Variants in ASPH observed in about 807,000 individuals in gnomAD.
ASPH encodes aspartate beta-hydroxylase.
A neutral mutation model predicts 118.4 loss-of-function variants in ASPH; 100 were observed. The observed-to-expected ratio is 0.84, with a 90% CI of 0.72 to 1.00. The LOEUF is 1.00. Among genes scored for constraint, ASPH ranks in the 50% least tolerant of loss-of-function variants. The probability of loss-of-function intolerance (pLI) is 0.00; values close to 1 mark genes in which losing one functional copy is unlikely to be tolerated. For missense variants in ASPH, 920 were observed against 919.5 expected (o/e 1.00, Z -0.01); for synonymous variants, 315 against 325.6 (o/e 0.97, Z 0.35).
Position 61,501,747 on chromosome 8 carries a change from A to G in ASPH, c.*1612T>C, listed in dbSNP as rs1468097632. 6.6e-6 allele frequency: 1 copy of G among 152,218 alleles called. No homozygotes were observed. The highest frequency in any genetic ancestry group is 1.5e-5 in the Non-Finnish European group (1 of 68,042). The allele number at this position is 152,218 out of a possible 1,614,324, so 9.4% of individuals were successfully genotyped here. A position where few individuals can be genotyped will look rare whatever the true frequency, so the allele number is the denominator to read the frequency against. On this transcript the variant is annotated 3_prime_UTR_variant, in exon 25 of 25. Transcript: ENST00000379454. ...GGATGTTTTCAATACCAGCAAAACA[A>G]AAGAACAGGAAAAGTATTTTGCAAA...
At chr8:61,600,634 C>CAA (rs200261023) in intron 14 of ASPH, among the ~76,000 whole-genome samples, 1 of 149,714 alleles carries the variant, frequency 6.7e-6, no homozygotes, top group African/African-American at 2.5e-5. Flanking sequence ...ATAATAGCTA[C>CAA]AAAAAAAACC....
chr8:61,665,196 G>C (rs994717821), intron 3 of ASPH: 69 of 1,519,766 alleles, frequency 4.5e-5, no homozygotes, highest in Non-Finnish European at 5.4e-5. Context: ...ATGCTTTTTT[G>C]TAACAAACTG....
At chr8:61,617,945 A>AG (rs1291925938) in intron 14 of ASPH, among the ~76,000 whole-genome samples, 2 of 151,362 alleles carry the variant, frequency 1.3e-5, no homozygotes, top group African/African-American at 4.9e-5. Flanking sequence ...AAAAAAAAAA[A>AG]AAAAAGAAAG....
intron 2 of ASPH, 50 bp downstream of exon 2, chr8:61,683,989 G>C: frequency 6.3e-7 from 1 of 1,586,198 alleles, no homozygotes; most frequent in Non-Finnish European, 8.6e-7. Flanking sequence ...ACTCCTAAGA[G>C]ATGTCACTTA....
At chr8:61,599,125 GAAAC>G (rs1240530603) in intron 14 of ASPH, among the ~76,000 whole-genome samples, 1 of 151,628 alleles carries the variant, frequency 6.6e-6, no homozygotes, top group Non-Finnish European at 1.5e-5. Flanking sequence ...CTAGTAGAAA[GAAAC>G]AAACAATAAA....
At chr8:61,579,303 C>A (rs1349559405) in intron 15 of ASPH, 1 of 1,614,010 alleles carries the variant, frequency 6.2e-7, no homozygotes, top group South Asian at 1.1e-5. Flanking sequence ...TGCCCTGCAG[C>A]GGGCCAAGCA....
intron 24 of ASPH, among the ~76,000 whole-genome samples, chr8:61,514,408 C>A (rs1385424037): frequency 2.0e-5 from 3 of 151,862 alleles, no homozygotes; most frequent in Admixed American, 1.3e-4. Flanking sequence ...AACTCCTGGG[C>A]AATTTTTTAA....
intron 3 of ASPH, among the ~76,000 whole-genome samples, chr8:61,672,973 G>T (rs941997100): frequency 1.3e-5 from 2 of 152,174 alleles, no homozygotes; most frequent in African/African-American, 4.8e-5. Context: ...ACTGTCAAGT[G>T]ACCAAATTAA....
At chr8:61,568,400 T>C (rs1416083073) in intron 16 of ASPH, among the ~76,000 whole-genome samples, 13 of 152,144 alleles carry the variant, frequency 8.5e-5, no homozygotes, top group Non-Finnish European at 1.0e-4. Flanking sequence ...AGAAAAACCA[T>C]GAATGAACAA....
At chr8:61,683,316 G>T (rs1311185739) in intron 2 of ASPH, among the ~76,000 whole-genome samples, 1 of 151,980 alleles carries the variant, frequency 6.6e-6, no homozygotes, top group Non-Finnish European at 1.5e-5. Flanking sequence ...ATATAATATT[G>T]AATTTTATTT....
At chr8:61,637,843 T>C in intron 12 of ASPH, 104 bp downstream of exon 12, 1 of 1,119,210 alleles carries the variant, frequency 8.9e-7, no homozygotes, top group South Asian at 1.4e-5. Context: ...TCCTAGCTCC[T>C]ATGCACTGTA....
chr8:61,570,662 T>C (rs1453674010), intron 16 of ASPH, among the ~76,000 whole-genome samples: 5 of 152,232 alleles, frequency 3.3e-5, no homozygotes, highest in African/African-American at 1.2e-4. Flanking sequence ...ATAAAACTGA[T>C]AGGCACTTGC....
chr8:61,702,472 G>C (rs1460455618), intron 1 of ASPH, among the ~76,000 whole-genome samples: 1 of 151,848 alleles, frequency 6.6e-6, no homozygotes, highest in Admixed American at 6.6e-5. Context: ...ATTTTTAGTA[G>C]AGACGGGGTT....
chr8:61,528,193 G>A (rs773714832), intron 21 of ASPH, among the ~76,000 whole-genome samples: 2 of 152,092 alleles, frequency 1.3e-5, no homozygotes, highest in Non-Finnish European at 2.9e-5. Flanking sequence ...TGAAGAACAG[G>A]GCAAAGATCG....
At chr8:61,513,783 C>G (rs1809785215) in intron 24 of ASPH, among the ~76,000 whole-genome samples, 1 of 152,190 alleles carries the variant, frequency 6.6e-6, no homozygotes. Flanking sequence ...CAAGACCCCC[C>G]TCTGAGTAGG....
At chr8:61,519,494 ATAGT>A (rs1812171395) in intron 22 of ASPH, among the ~76,000 whole-genome samples, 1 of 152,250 alleles carries the variant, frequency 6.6e-6, no homozygotes, top group Admixed American at 6.5e-5. Context: ...AGGAAAAATA[ATAGT>A]TAGCTCCCAA....
chr8:61,636,730 G>A (rs991588327), intron 12 of ASPH, among the ~76,000 whole-genome samples: 3 of 152,176 alleles, frequency 2.0e-5, no homozygotes, highest in Admixed American at 6.5e-5. Context: ...ACCGTATGTA[G>A]GGTAGGTTGG....
chr8:61,664,861 C>T (rs1481739408), intron 3 of ASPH: 2 of 992,976 alleles, frequency 2.0e-6, no homozygotes, highest in African/African-American at 3.5e-5. Context: ...AAATCCATCT[C>T]CCTGAGTATT....
At chr8:61,682,319 TA>T in intron 2 of ASPH, 1 of 1,020,744 alleles carries the variant, frequency 9.8e-7, no homozygotes, top group South Asian at 1.5e-5. Flanking sequence ...GACAAACCCA[TA>T]ATGGGAAATT....
Sources: gnomAD v4.1 joint callset for allele counts (sites outside exome capture counted in the v4.1 genomes callset) on GRCh38, gnomAD v4.1.1 for gene constraint, MANE v1.5 for transcripts, NCBI Gene and HGNC (gene_info 2026-07-23, HGNC 2026-07-21) for gene names.